The following BICC1 variants were observed in gnomAD, a reference collection of about 807,000 sequenced individuals.
BICC1 encodes the protein BicC family RNA binding protein 1.
In BICC1, 43 loss-of-function variants were observed where a neutral mutation model predicts 111.0. The ratio of observed to expected loss-of-function variants is 0.39; its 90% CI spans 0.30 to 0.50. The LOEUF (loss-of-function observed/expected upper bound fraction) is 0.50. BICC1 is among the 20% of genes least tolerant of loss of function. The pLI is 0.88. For missense variants in BICC1, 1,091 were observed against 1,203.2 expected, an observed-to-expected ratio of 0.91 and a Z score of 1.38; for synonymous variants, 467 against 434.4, an observed-to-expected ratio of 1.07 and a Z score of -0.93.
At chr10:58,679,663 A>G (rs893426270) in intron 2 of BICC1, among the ~76,000 whole-genome samples, 2 of 152,064 alleles carry the variant, frequency 1.3e-5, no homozygotes, top group African/African-American at 4.8e-5. Flanking sequence ...GGAAAAAGAG[A>G]GACTCCTCTC....
At chr10:58,603,881 A>G (rs535794494) in intron 1 of BICC1, among the ~76,000 whole-genome samples, 5 of 152,354 alleles carry the variant, frequency 3.3e-5, no homozygotes, top group Admixed American at 2.0e-4. Flanking sequence ...TACTTAAGTA[A>G]TTAATGAGTA....
At chr10:58,751,649 A>G (rs1181640209) in intron 3 of BICC1, among the ~76,000 whole-genome samples, 2 of 152,202 alleles carry the variant, frequency 1.3e-5, no homozygotes, top group African/African-American at 2.4e-5. Flanking sequence ...AGGAAATGTT[A>G]TAGCCCAAAA....
chr10:58,581,847 T>C (rs1399181131), intron 1 of BICC1, among the ~76,000 whole-genome samples: 1 of 152,174 alleles, frequency 6.6e-6, no homozygotes, highest in Non-Finnish European at 1.5e-5. Flanking sequence ...AAAAAAATAC[T>C]TAAAAGTATA....
chr10:58,742,092 G>T (rs1307952303), intron 3 of BICC1, among the ~76,000 whole-genome samples: 1 of 152,166 alleles, frequency 6.6e-6, no homozygotes. Flanking sequence ...AAGTTTGGAT[G>T]TTCAATTTTA....
At chr10:58,704,397 A>T (rs1840331085) in intron 3 of BICC1, among the ~76,000 whole-genome samples, 1 of 152,252 alleles carries the variant, frequency 6.6e-6, no homozygotes, top group African/African-American at 2.4e-5. Context: ...AGTTGCTCTT[A>T]TCATTTAAGC....
chr10:58,581,322 A>G (rs1844273712), intron 1 of BICC1, among the ~76,000 whole-genome samples: 1 of 152,234 alleles, frequency 6.6e-6, no homozygotes. Context: ...TTTATATTTA[A>G]AATATGTCAG....
rs148945941 is a variant in BICC1, at chr10:58,691,412, A to G, written c.238-10662A>G. Reference sequence around the variant, plus strand: ...TTGGAGAATGAAGTAGCTTTTAGAAACATATTTTTATGTCCCAGAGGAACC... The same window carrying G: ...TTGGAGAATGAAGTAGCTTTTAGAAGCATATTTTTATGTCCCAGAGGAACC... On this transcript the variant is annotated intron_variant, in intron 2 of 20. Coordinates refer to ENST00000373886, the MANE Select transcript of BICC1 (RefSeq NM_001080512.3). 1.1e-4 allele frequency among the ~76,000 whole-genome samples: 17 copies of G among 152,274 alleles called. No homozygotes were observed. The East Asian group carries it at 3.1e-3, about 28-fold the overall frequency.
At position 58,629,182 on chromosome 10, in the gene BICC1, G is replaced by A. The variant is rs1837719978; in HGVS notation, c.237+8281G>A. Among the ~76,000 whole-genome samples, 5 of 152,314 alleles carry A rather than the reference G, an allele frequency of 3.3e-5. No homozygotes were observed. The South Asian group carries it at 8.3e-4, about 25-fold the overall frequency. Reference sequence around the variant, plus strand: ...TGTAGTGCCTTTTAATCTGGCTAAAGTAACATGTAGTAAAGAACTTTAAGC... The same window carrying A: ...TGTAGTGCCTTTTAATCTGGCTAAAATAACATGTAGTAAAGAACTTTAAGC... On this transcript the variant is annotated intron_variant, in intron 2 of 20. Transcript: ENST00000373886.
chr10:58,737,028 A>G (rs1041341564), intron 3 of BICC1, among the ~76,000 whole-genome samples: 2 of 152,186 alleles, frequency 1.3e-5, no homozygotes, highest in African/African-American at 4.8e-5. Context: ...AATACTATAT[A>G]TGTCAACATT....
chr10:58,623,197 A>G (rs1225846614), intron 2 of BICC1, among the ~76,000 whole-genome samples: 1 of 152,194 alleles, frequency 6.6e-6, no homozygotes, highest in Admixed American at 6.5e-5. Context: ...GCTCAATTTA[A>G]TTAATTGCTC....
chr10:58,514,286 A>G (rs909605189), intron 1 of BICC1, among the ~76,000 whole-genome samples: 1 of 152,224 alleles, frequency 6.6e-6, no homozygotes, highest in African/African-American at 2.4e-5. Flanking sequence ...TATTCTTAAA[A>G]TACGTGTACG....
chr10:58,715,506 T>A, intron 3 of BICC1: 1 of 1,123,120 alleles, frequency 8.9e-7, no homozygotes, highest in Non-Finnish European at 1.4e-6. Context: ...CGGCCATCTC[T>A]CTGGCCTGGT....
intron 1 of BICC1, among the ~76,000 whole-genome samples, chr10:58,553,172 A>C (rs1388817459): frequency 6.6e-6 from 1 of 152,152 alleles, no homozygotes; most frequent in Non-Finnish European, 1.5e-5. Context: ...TCCATATTCA[A>C]ATCCCTGGAA....
At chr10:58,761,419 A>G (rs550301098) in intron 3 of BICC1, among the ~76,000 whole-genome samples, 4 of 152,286 alleles carry the variant, frequency 2.6e-5, no homozygotes, top group Admixed American at 2.6e-4. Flanking sequence ...ATCACACCCA[A>G]CTCAGTTTCT....
At position 58,706,897 on chromosome 10, in the gene BICC1, T is replaced by TAA. The variant is rs11452226; in HGVS notation, c.307+4760_307+4761dup. Among the ~76,000 whole-genome samples, 8 of 152,034 alleles carry TAA rather than the reference T, an allele frequency of 5.3e-5. No individual in the cohort carries two copies. The East Asian group carries it at 1.2e-3, about 22-fold the overall frequency. Reference sequence around the variant, plus strand: ...TATGAAAACAGACTAATACAGTGAGTAAAAAAATGTTTAAAGTTTTTAAGC... The same window carrying TAA: ...TATGAAAACAGACTAATACAGTGAGTAAAAAAAAATGTTTAAAGTTTTTAAGC... On this transcript the variant is annotated intron_variant, in intron 3 of 20. Transcript: ENST00000373886.
intron 14 of BICC1, among the ~76,000 whole-genome samples, chr10:58,802,291 C>T (rs1036477481): frequency 1.3e-5 from 2 of 152,194 alleles, no homozygotes; most frequent in East Asian, 1.9e-4. Flanking sequence ...TTCATTGTCC[C>T]TCTTTTTGTA....
intron 1 of BICC1, among the ~76,000 whole-genome samples, chr10:58,589,728 G>A (rs957497622): frequency 1.7e-4 from 26 of 152,108 alleles, no homozygotes; most frequent in African/African-American, 5.3e-4. Context: ...TTCATGCCTC[G>A]GCTCCCAAAA....
intron 3 of BICC1, among the ~76,000 whole-genome samples, chr10:58,782,634 G>A (rs1842911314): frequency 6.6e-6 from 1 of 152,142 alleles, no homozygotes; most frequent in Non-Finnish European, 1.5e-5. Context: ...CCAAAGTTAA[G>A]GATAGTTGAG....
intron 14 of BICC1, 100 bp from the exon 15 acceptor site, chr10:58,802,977 C>A: frequency 8.6e-7 from 1 of 1,161,098 alleles, no homozygotes; most frequent in Non-Finnish European, 1.2e-6. Context: ...GTGTAAATAG[C>A]TGATGATGAT....
Sources: gnomAD v4.1 joint callset for allele counts (sites outside exome capture counted in the v4.1 genomes callset) on GRCh38, gnomAD v4.1.1 for gene constraint, MANE v1.5 for transcripts, NCBI Gene and HGNC (gene_info 2026-07-23, HGNC 2026-07-21) for gene names.